The following GDPD5 variants were observed in gnomAD, a reference collection of about 807,000 sequenced individuals.
GDPD5 encodes glycerophosphodiester phosphodiesterase 2.
GDPD5 carries 48 observed loss-of-function variants against 75.1 expected under a neutral mutation model. The ratio of observed to expected loss-of-function variants is 0.64; its 90% CI spans 0.51 to 0.81. GDPD5 has a LOEUF of 0.81. Among genes scored for constraint, GDPD5 ranks in the 40% least tolerant of loss-of-function variants. GDPD5 has a pLI of 0.00. For synonymous variants in GDPD5, 336 were observed against 339.0 expected, an observed-to-expected ratio of 0.99 and a Z score of 0.10; for missense variants, 706 against 822.6, an observed-to-expected ratio of 0.86 and a Z score of 1.73.
rs145862089 is a variant in GDPD5, at chr11:75,512,281, GACACACACACACAC to G, written c.-145+12915_-145+12928del. ...CTGGTAGAAGCATGAAATTGGGAAG[GACACACACACACAC>G]ACACACACACACACACACACACACA... On this transcript the variant is annotated intron_variant, in intron 1 of 16. Coordinates refer to ENST00000336898, the MANE Select transcript of GDPD5 (RefSeq NM_030792.8). Among the ~76,000 whole-genome samples, 18 of 123,170 alleles carry G rather than the reference GACACACACACACAC, an allele frequency of 1.5e-4. No homozygotes were observed. The South Asian group carries it at 2.4e-3, about 16-fold the overall frequency. The allele number at this position is 123,170 out of a possible 152,430, so 80.8% of individuals were successfully genotyped here.
chr11:75,492,248 C>T (rs1307592543), intron 1 of GDPD5: 1 of 152,406 alleles, frequency 6.6e-6, no homozygotes, highest in Non-Finnish European at 1.5e-5. Context: ...TTCCCCTCCT[C>T]CTACCTCCAG....
intron 4 of GDPD5, among the ~76,000 whole-genome samples, chr11:75,461,769 C>A (rs1949419413): frequency 6.6e-6 from 1 of 152,214 alleles, no homozygotes; most frequent in South Asian, 2.1e-4. Context: ...CTGACCTGAA[C>A]ATCTGATCAA....
chr11:75,445,149 C>T (rs1452437533), intron 9 of GDPD5, among the ~76,000 whole-genome samples: 1 of 152,130 alleles, frequency 6.6e-6, no homozygotes, highest in Admixed American at 6.5e-5. Context: ...TTACATGATC[C>T]TGGTTCTAGC....
intron 2 of GDPD5, among the ~76,000 whole-genome samples, chr11:75,489,491 C>T (rs1335503606): frequency 6.6e-6 from 1 of 152,264 alleles, no homozygotes; most frequent in Non-Finnish European, 1.5e-5. Flanking sequence ...GTCCCAGGAG[C>T]TGGCTGGCCC....
At chr11:75,508,889 C>T (rs1361911692) in intron 1 of GDPD5, 1 of 152,260 alleles carries the variant, frequency 6.6e-6, no homozygotes, top group Non-Finnish European at 1.5e-5. Flanking sequence ...CCCTCCAGCA[C>T]CTACCCTGGG....
At chr11:75,493,203 A>G (rs992975049) in intron 1 of GDPD5, among the ~76,000 whole-genome samples, 1 of 150,778 alleles carries the variant, frequency 6.6e-6, no homozygotes. Flanking sequence ...ACACCCTTAG[A>G]CAGGGAAAAG....
chr11:75,443,347 T>G, intron 10 of GDPD5, 61 bp from the exon 11 acceptor site: 1 of 1,535,068 alleles, frequency 6.5e-7, no homozygotes, highest in Non-Finnish European at 8.8e-7. Context: ...TGCCCACCAA[T>G]GATCGTCACC....
intron 1 of GDPD5, among the ~76,000 whole-genome samples, chr11:75,524,896 C>T (rs1941606626): frequency 6.6e-6 from 1 of 152,228 alleles, no homozygotes; most frequent in African/African-American, 2.4e-5. Flanking sequence ...TCCCCAGTCT[C>T]CTCCCCGCAG....
chr11:75,521,597 A>G (rs564014156), intron 1 of GDPD5, among the ~76,000 whole-genome samples: 4 of 152,350 alleles, frequency 2.6e-5, no homozygotes, highest in African/African-American at 9.6e-5. Context: ...TTGTGTGGAT[A>G]CATTTTACAA....
chr11:75,441,247 G>A lies in GDPD5; in HGVS notation c.1389C>T (p.Ser463=). ...LYTVNAPWLF[S]LLWCAGVPSV... is the part of the protein sequence containing the mutation. ...ATGGGACCCCCGCACACCACAGCAG[G>A]GAGAAGAGCCACGGTGCGTTGACTG... The change falls in exon 14 of 17, where the codon TCC becomes TCT. Residue 463 remains serine (S), a synonymous_variant. Transcript: ENST00000336898. 6.2e-7 allele frequency: 1 copy of A among 1,614,180 alleles called. No individual in the cohort carries two copies. Among genetic ancestry groups the A allele is most frequent in the South Asian group, 1.1e-5 (1 of 91,090 alleles).
intron 1 of GDPD5, among the ~76,000 whole-genome samples, chr11:75,511,968 G>A (rs966409011): frequency 1.3e-5 from 2 of 152,126 alleles, no homozygotes; most frequent in African/African-American, 4.8e-5. Flanking sequence ...AATGCAAGCA[G>A]AGGCAGATTA....
chr11:75,481,595 G>C (rs1169869260), intron 2 of GDPD5, among the ~76,000 whole-genome samples: 1 of 152,036 alleles, frequency 6.6e-6, no homozygotes, highest in African/African-American at 2.4e-5. Flanking sequence ...GGTGTAGGGT[G>C]CTCTCAGCTT....
At chr11:75,443,095 G>A (rs1224437337) in intron 11 of GDPD5, 41 bp downstream of exon 11, 1 of 1,574,064 alleles carries the variant, frequency 6.4e-7, no homozygotes, top group Non-Finnish European at 8.6e-7. Flanking sequence ...GTCCCTGCTG[G>A]TGTTTTCCAT....
At chr11:75,481,665 CCTTCCCG>C (rs1289201415) in intron 2 of GDPD5, among the ~76,000 whole-genome samples, 2 of 152,076 alleles carry the variant, frequency 1.3e-5, no homozygotes, top group African/African-American at 2.4e-5. Flanking sequence ...ACATTCCCAG[CCTTCCCG>C]CAGGGGTGGG....
chr11:75,435,549 AC>A lies in GDPD5; in HGVS notation c.1775del (p.Gly592ValfsTer9). The A allele has an allele frequency of 6.2e-7, 1 of 1,612,296 alleles. No individual in the cohort carries two copies. The highest frequency in any genetic ancestry group is 1.3e-5 in the African/African-American group (1 of 74,966). On this transcript the variant is annotated frameshift_variant, in exon 17 of 17. Transcript: ENST00000336898. LOFTEE classifies it high-confidence loss of function. ...STATPVGPRG[G>X]GSHTKTLIER... ...CTATGAGGGTCTTGGTGTGGCTGCCACCCCCTCGGGGGCCCACAGGGGTGGC... is the reference window on the plus strand; with the variant it reads ...CTATGAGGGTCTTGGTGTGGCTGCCACCCCTCGGGGGCCCACAGGGGTGGC...
At position 75,511,289 on chromosome 11, in the gene GDPD5, C is replaced by G. The variant is rs890405855; in HGVS notation, c.-145+13921G>C. Among the ~76,000 whole-genome samples the G allele has an allele frequency of 2.6e-5, 4 of 152,194 alleles. No homozygotes were observed. The East Asian group carries it at 7.7e-4, about 29-fold the overall frequency. ...CTAGCTCTGGCTGGGGGTTTCCTTG[C>G]ACAAAACAGCAAGGTCAGGGTTTGC... On this transcript the variant is annotated intron_variant, in intron 1 of 16. Coordinates refer to ENST00000336898, the MANE Select transcript of GDPD5 (RefSeq NM_030792.8).
intron 1 of GDPD5, among the ~76,000 whole-genome samples, chr11:75,518,402 T>C (rs886668397): frequency 2.0e-5 from 3 of 152,308 alleles, no homozygotes; most frequent in Non-Finnish European, 4.4e-5. Context: ...CTTGGGACAC[T>C]GTGGGAGGTA....
rs1592054397 is a variant in GDPD5, at chr11:75,439,906, A to G, written c.1529T>C (p.Leu510Pro). Residue 510 changes from leucine to proline, a missense_variant, in exon 15 of 17, where the codon CTC (leucine) becomes CCC (proline). Physicochemically the swap from Leu to Pro is moderately conservative, Grantham distance 98. Coordinates refer to ENST00000336898, the MANE Select transcript of GDPD5 (RefSeq NM_030792.8). ...WVTADLVSFTLIVGIFVLQKW... is the reference protein window; with the variant it reads ...WVTADLVSFTPIVGIFVLQKW... ...CTGGAGCACGAAGATGCCCACGATGAGGGTGAAGGAGACCAGGTCGGCAGT... is the reference window on the plus strand; with the variant it reads ...CTGGAGCACGAAGATGCCCACGATGGGGGTGAAGGAGACCAGGTCGGCAGT... 1.9e-6 allele frequency: 3 copies of G among 1,613,866 alleles called. No individual in the cohort carries two copies. Among genetic ancestry groups the G allele is most frequent in the Non-Finnish European group, 2.5e-6 (3 of 1,179,872 alleles).
chr11:75,481,866 A>G (rs945403210), intron 2 of GDPD5, among the ~76,000 whole-genome samples: 8 of 151,836 alleles, frequency 5.3e-5, no homozygotes, highest in African/African-American at 1.2e-4. Flanking sequence ...GGCTGGGGCC[A>G]CTCAGGCTCT....
Sources: gnomAD v4.1 joint callset for allele counts (sites outside exome capture counted in the v4.1 genomes callset) on GRCh38, gnomAD v4.1.1 for gene constraint, MANE v1.5 for transcripts, NCBI Gene and HGNC (gene_info 2026-07-23, HGNC 2026-07-21) for gene names.